MIS18A: variants seen among roughly 807,000 people sequenced by gnomAD.
MIS18A encodes the protein protein Mis18-alpha.
Under a neutral mutation model 25.0 loss-of-function variants are expected in MIS18A, and 14 were observed. The observed-to-expected ratio is 0.56, with a 90% CI of 0.37 to 0.88. The LOEUF (loss-of-function observed/expected upper bound fraction) is 0.88. Among genes scored for constraint, MIS18A ranks in the 40% least tolerant of loss-of-function variants. The pLI, the probability that MIS18A is intolerant of heterozygous loss-of-function variation, is 0.00. For missense variants in MIS18A, 292 were observed against 290.8 expected (o/e 1.00, Z -0.03); for synonymous variants, 134 against 118.6 (o/e 1.13, Z -0.84).
At chr21:32,235,089 G>A in the MIS18A span, among the ~76,000 whole-genome samples, 3 of 152,086 alleles carry the variant, frequency 2.0e-5, 1 homozygote, top group South Asian at 4.2e-4. Context: ...CTCATTCCCT[G>A]AGCATGAATG....
the MIS18A span, among the ~76,000 whole-genome samples, chr21:32,166,119 A>G: frequency 1.3e-5 from 2 of 152,190 alleles, no homozygotes; most frequent in Admixed American, 6.5e-5. Context: ...TACAAAAGAG[A>G]CGCACAGGAC....
At chr21:32,243,271 GAA>G in the MIS18A span, among the ~76,000 whole-genome samples, 4 of 152,234 alleles carry the variant, frequency 2.6e-5, no homozygotes, top group African/African-American at 9.6e-5. Flanking sequence ...CTTGCTCAGT[GAA>G]AAGTTAAGAG....
chr21:32,157,701 T>G, the MIS18A span, among the ~76,000 whole-genome samples: 4 of 152,106 alleles, frequency 2.6e-5, no homozygotes, highest in African/African-American at 9.7e-5. Flanking sequence ...CCTAGATTGT[T>G]TATTTTTTTC....
Position 32,268,928 on chromosome 21 carries a change from A to AT in MIS18A, c.*108_*109insA. The AT allele has an allele frequency of 2.5e-6, 2 of 796,276 alleles. No individual in the cohort carries two copies. The highest frequency in any genetic ancestry group is 2.8e-5 in the Admixed American group (1 of 35,906). The allele number at this position is 796,276 out of a possible 1,614,324, so 49.3% of individuals were successfully genotyped here. On this transcript the variant is annotated 3_prime_UTR_variant, in exon 5 of 5. Coordinates refer to ENST00000290130, the MANE Select transcript of MIS18A (RefSeq NM_018944.3). ...ACCTCAGCGTTTCGCATGCCTGGCT[A>AT]ATTTTTTTTTTCTTTTTTTTTTTGT...
chr21:32,271,359 G>C (rs1425066278), intron 2 of MIS18A, among the ~76,000 whole-genome samples: 1 of 152,174 alleles, frequency 6.6e-6, no homozygotes, highest in East Asian at 1.9e-4. Flanking sequence ...CTCAGTATGT[G>C]AAACACTTGT....
At position 32,269,706 on chromosome 21, in the gene MIS18A, C is replaced by A. The variant is rs760258702; in HGVS notation, c.621+1G>T. The A allele has an allele frequency of 6.6e-7, 1 of 1,526,112 alleles. No homozygotes were observed. The highest frequency in any genetic ancestry group is 9.1e-7 in the Non-Finnish European group (1 of 1,100,612). The allele number at this position is 1,526,112 out of a possible 1,614,324, so 94.5% of individuals were successfully genotyped here. A position where few individuals can be genotyped will look rare whatever the true frequency, so the allele number is the denominator to read the frequency against. On this transcript the variant is annotated splice_donor_variant, in intron 4 of 4. Coordinates refer to ENST00000290130, the MANE Select transcript of MIS18A (RefSeq NM_018944.3). LOFTEE classifies it high-confidence loss of function. ...ATATAAAATGTACAGAATAAAATTA[C>A]CTGTGTTAGAGACTTTTCTATTTCA...
the MIS18A span, among the ~76,000 whole-genome samples, chr21:32,187,361 G>GT: frequency 6.6e-6 from 1 of 152,178 alleles, no homozygotes; most frequent in Non-Finnish European, 1.5e-5. Flanking sequence ...CAGACTGATT[G>GT]TGGATGATTC....
At chr21:32,205,033 C>T in the MIS18A span, among the ~76,000 whole-genome samples, 7 of 151,900 alleles carry the variant, frequency 4.6e-5, no homozygotes, top group South Asian at 1.0e-3. Flanking sequence ...CCACCAAAGT[C>T]CTGGCAAGAT....
chr21:32,228,052 G>A, the MIS18A span, among the ~76,000 whole-genome samples: 1 of 151,956 alleles, frequency 6.6e-6, no homozygotes, highest in African/African-American at 2.4e-5. Context: ...CCTCATAAAG[G>A]GCATCTACAA....
the MIS18A span, among the ~76,000 whole-genome samples, chr21:32,181,102 G>C: frequency 1.3e-5 from 2 of 152,092 alleles, no homozygotes; most frequent in African/African-American, 4.8e-5. Flanking sequence ...GTGTGAGTAG[G>C]CATCATTCAA....
chr21:32,276,043 G>T (rs1053402379), intron 1 of MIS18A, among the ~76,000 whole-genome samples: 12 of 152,118 alleles, frequency 7.9e-5, no homozygotes, highest in African/African-American at 2.4e-4. Flanking sequence ...ACAACGCCTT[G>T]CAGTTTCTGA....
At chr21:32,276,757 C>CT (rs1177441771) in intron 1 of MIS18A, among the ~76,000 whole-genome samples, 3 of 152,156 alleles carry the variant, frequency 2.0e-5, no homozygotes, top group East Asian at 3.9e-4. Flanking sequence ...TAGCAAGACT[C>CT]TGTCTCTACA....
intron 2 of MIS18A, among the ~76,000 whole-genome samples, chr21:32,272,104 C>T (rs150850313): frequency 4.4e-3 from 672 of 152,292 alleles, no homozygotes; most frequent in South Asian, 0.019. Context: ...AGCAACTTTC[C>T]GCTTTCACAG....
chr21:32,245,702 T>C, the MIS18A span, among the ~76,000 whole-genome samples: 1 of 152,150 alleles, frequency 6.6e-6, no homozygotes, highest in Non-Finnish European at 1.5e-5. Flanking sequence ...ACCTAACACC[T>C]GACTATGCTG....
intron 3 of MIS18A, 73 bp from the exon 4 acceptor site, chr21:32,269,876 C>T (rs2031680850): frequency 1.1e-6 from 1 of 931,422 alleles, no homozygotes; most frequent in East Asian, 2.4e-5. Context: ...ATTCAGGAGG[C>T]TGAGACAGAA....
At chr21:32,273,059 C>T (rs973015657) in intron 2 of MIS18A, among the ~76,000 whole-genome samples, 5 of 151,952 alleles carry the variant, frequency 3.3e-5, no homozygotes, top group African/African-American at 1.2e-4. Context: ...ATTTCTGTCA[C>T]ATCCACAAAC....
chr21:32,250,451 GAC>G, the MIS18A span, among the ~76,000 whole-genome samples: 2 of 152,154 alleles, frequency 1.3e-5, no homozygotes, highest in African/African-American at 2.4e-5. Context: ...CAATCCACGT[GAC>G]TATGGGACCT....
At chr21:32,256,046 C>T in the MIS18A span, among the ~76,000 whole-genome samples, 26 of 152,266 alleles carry the variant, frequency 1.7e-4, no homozygotes, top group African/African-American at 6.0e-4. Context: ...ATGTGTTTCA[C>T]AAGCTTACTG....
the MIS18A span, among the ~76,000 whole-genome samples, chr21:32,177,519 A>G: frequency 6.6e-6 from 1 of 152,216 alleles, no homozygotes; most frequent in African/African-American, 2.4e-5. Flanking sequence ...CCCACACAAC[A>G]TAATCACAAC....
Sources: gnomAD v4.1 joint callset for allele counts (sites outside exome capture counted in the v4.1 genomes callset) on GRCh38, gnomAD v4.1.1 for gene constraint, MANE v1.5 for transcripts, NCBI Gene and HGNC (gene_info 2026-07-23, HGNC 2026-07-21) for gene names.